CCNY: variants seen among roughly 807,000 people sequenced by gnomAD.
CCNY encodes the protein cyclin-Y.
Under a neutral mutation model 42.8 loss-of-function variants are expected in CCNY, and 19 were observed. The observed-to-expected ratio is 0.44, with a 90% confidence interval of 0.31 to 0.65. The LOEUF (loss-of-function observed/expected upper bound fraction) is 0.65, where lower values mean the gene tolerates loss of function less well. Among genes scored for constraint, CCNY ranks in the 30% least tolerant of loss-of-function variants. The pLI, the probability that CCNY is intolerant of heterozygous loss-of-function variation, is 0.07. For missense variants in CCNY, 370 were observed against 437.3 expected, an observed-to-expected ratio of 0.85 and a Z score of 1.37; for synonymous variants, 165 against 162.7, an observed-to-expected ratio of 1.01 and a Z score of -0.11.
rs530213503 is a variant in CCNY at position 35,430,759 on chromosome 10, G to A, written c.155-52645G>A. Among the ~76,000 whole-genome samples, 253 of 152,200 alleles carry A rather than the reference G, an allele frequency of 1.7e-3. 1 individual carries two copies. The highest frequency in any genetic ancestry group is 5.9e-3 in the African/African-American group (243 of 41,530). On this transcript the variant is annotated intron_variant, in intron 1 of 9. Transcript: ENST00000374704. Reference sequence around the variant, plus strand: ...ATCACTAGCATAACTATGTAGGTGGGCATAATTTTATGTGGTAGGGATATT... The same window carrying A: ...ATCACTAGCATAACTATGTAGGTGGACATAATTTTATGTGGTAGGGATATT...
At chr10:35,525,886 G>A (rs957531571) in intron 4 of CCNY, 78 bp from the exon 5 acceptor site, 8 of 1,238,330 alleles carry the variant, frequency 6.5e-6, no homozygotes, top group Middle Eastern at 3.8e-4. Context: ...AAATATTTAT[G>A]TTCAGACTGT....
chr10:35,344,399 G>A lies in CCNY; in HGVS notation c.154+7192G>A, dbSNP rs903270645. Among the ~76,000 whole-genome samples, 3 of 139,602 alleles carry A rather than the reference G, an allele frequency of 2.1e-5. No homozygotes were observed. In the Admixed American group the frequency reaches 2.2e-4, roughly 10 times the overall value. The allele number at this position is 139,602 out of a possible 152,430, so 91.6% of individuals were successfully genotyped here. A position where few individuals can be genotyped will look rare whatever the true frequency, so the allele number is the denominator to read the frequency against. ...CTTAAAAAAAGTGCTTAAAAATACT[G>A]CCTTGCCTTGGGCTGGGCGCCGTGG... On this transcript the variant is annotated intron_variant, in intron 1 of 9. Transcript: ENST00000374704.
chr10:35,291,594 C>T (rs572317523), intron 3 of CCNY, among the ~76,000 whole-genome samples: 4 of 146,440 alleles, frequency 2.7e-5, no homozygotes, highest in South Asian at 4.3e-4. Flanking sequence ...TGCAGTGGCA[C>T]GATCTCGCTC....
Position 35,325,460 on chromosome 10 carries a change from G to A in CCNY, c.-9+74834G>A, listed in dbSNP as rs550092866. Among the ~76,000 whole-genome samples the A allele has an allele frequency of 2.8e-5, 4 of 144,250 alleles. 1 individual carries two copies. In the Admixed American group the frequency reaches 2.8e-4, roughly 10 times the overall value. The allele number at this position is 144,250 out of a possible 152,430, so 94.6% of individuals were successfully genotyped here. A position where few individuals can be genotyped will look rare whatever the true frequency, so the allele number is the denominator to read the frequency against. ...CCCAAAGTGCTGGGATTGCAGGTGT[G>A]AGCCACCAAGCACAGACCCTTTTTT... is the stretch of plus-strand genomic sequence containing the variant. On this transcript the variant is annotated intron_variant, in intron 3 of 11. Transcript: ENST00000374706.
intron 7 of CCNY, among the ~76,000 whole-genome samples, chr10:35,539,017 A>G (rs190106029): frequency 5.3e-5 from 8 of 152,326 alleles, no homozygotes; most frequent in Admixed American, 2.6e-4. Flanking sequence ...CAGTGCCTTT[A>G]TCCTTTCCCC....
intron 4 of CCNY, among the ~76,000 whole-genome samples, chr10:35,520,117 A>G (rs1174581825): frequency 6.6e-6 from 1 of 152,148 alleles, no homozygotes; most frequent in East Asian, 1.9e-4. Context: ...GGTGGGACCA[A>G]CTGAAGTAGA....
At chr10:35,261,623 T>C (rs916067469) in intron 3 of CCNY, among the ~76,000 whole-genome samples, 3 of 152,198 alleles carry the variant, frequency 2.0e-5, no homozygotes, top group Non-Finnish European at 4.4e-5. Context: ...GAGGATTGCT[T>C]GATCCCAGGA....
intron 1 of CCNY, among the ~76,000 whole-genome samples, chr10:35,440,762 A>G (rs986476915): frequency 2.0e-5 from 3 of 152,214 alleles, no homozygotes; most frequent in African/African-American, 7.2e-5. Flanking sequence ...GTGTAATTGC[A>G]CACGTGGGAC....
chr10:35,535,838 G>C (rs1313021223), intron 7 of CCNY, among the ~76,000 whole-genome samples: 1 of 152,096 alleles, frequency 6.6e-6, no homozygotes, highest in African/African-American at 2.4e-5. Context: ...TTTTATATCA[G>C]GGACTTGAGC....
chr10:35,483,382 A>G, intron 1 of CCNY, 22 bp from the exon 2 acceptor site: 1 of 1,525,236 alleles, frequency 6.6e-7, no homozygotes, highest in Non-Finnish European at 9.1e-7. Flanking sequence ...TATTCATATA[A>G]TTTATTTTCC....
intron 3 of CCNY, among the ~76,000 whole-genome samples, chr10:35,325,213 C>CT (rs1835865288): frequency 6.6e-6 from 1 of 152,204 alleles, no homozygotes; most frequent in African/African-American, 2.4e-5. Context: ...GAGTCTCACT[C>CT]TGTCACCCAG....
intron 7 of CCNY, among the ~76,000 whole-genome samples, chr10:35,543,999 T>C (rs1841059136): frequency 6.6e-6 from 1 of 152,256 alleles, no homozygotes; most frequent in Non-Finnish European, 1.5e-5. Context: ...TTTGTACAGC[T>C]GTATGATGTA....
chr10:35,480,054 C>T (rs1461681182), intron 1 of CCNY, among the ~76,000 whole-genome samples: 1 of 151,932 alleles, frequency 6.6e-6, no homozygotes, highest in Non-Finnish European at 1.5e-5. Context: ...ATTGTAATTA[C>T]CATAGTTTTC....
chr10:35,257,985 T>C (rs2095716841), intron 3 of CCNY, among the ~76,000 whole-genome samples: 1 of 152,180 alleles, frequency 6.6e-6, no homozygotes, highest in African/African-American at 2.4e-5. Flanking sequence ...TCTTTAACTT[T>C]ACTGACTCCT....
intron 1 of CCNY, among the ~76,000 whole-genome samples, chr10:35,465,936 A>T (rs201406825): frequency 0.015 from 1,735 of 117,608 alleles, 38 homozygotes; most frequent in African/African-American, 0.044. Flanking sequence ...AGAGAGAGAG[A>T]GAGTGTGTGT....
chr10:35,248,069 C>T (rs1446387822), intron 1 of CCNY: 1 of 152,232 alleles, frequency 6.6e-6, no homozygotes, highest in Non-Finnish European at 1.5e-5. Context: ...ATGTGCAACA[C>T]TTGGGGTTCC....
chr10:35,377,743 CATT>C (rs572576601), intron 1 of CCNY, among the ~76,000 whole-genome samples: 140 of 152,168 alleles, frequency 9.2e-4, no homozygotes, highest in African/African-American at 2.0e-3. Flanking sequence ...TAAAAAATAA[CATT>C]ATAATGTAAC....
At position 35,530,330 on chromosome 10, in the gene CCNY, A is replaced by T. The variant is rs1840740201; in HGVS notation, c.579+87A>T. The T allele has an allele frequency of 1.3e-6, 2 of 1,545,458 alleles. No individual in the cohort carries two copies. Among genetic ancestry groups the T allele is most frequent in the Admixed American group, 1.7e-5 (1 of 57,392 alleles). On this transcript the variant is annotated intron_variant, in intron 7 of 9. Coordinates refer to ENST00000374704, the MANE Select transcript of CCNY (RefSeq NM_145012.6). This position sits in a 1 kb window ranked among gnomAD's most constrained non-coding sequence, Gnocchi z 4.3. ...TTACTCAGCGGAGTGAGGTTGGAGCAGGGAATCCTCACCAGGTTACCCTGT... is the reference window on the plus strand; with the variant it reads ...TTACTCAGCGGAGTGAGGTTGGAGCTGGGAATCCTCACCAGGTTACCCTGT...
intron 3 of CCNY, among the ~76,000 whole-genome samples, chr10:35,272,927 C>T (rs990440070): frequency 3.3e-5 from 5 of 151,138 alleles, no homozygotes; most frequent in African/African-American, 1.2e-4. Flanking sequence ...TTTGCTAGCA[C>T]CTTTTTTTTT....
Sources: gnomAD v4.1 joint callset for allele counts (sites outside exome capture counted in the v4.1 genomes callset) on GRCh38, gnomAD v4.1.1 for gene constraint, Gnocchi (gnomAD v3.1) non-coding constraint, MANE v1.5 for transcripts, NCBI Gene and HGNC (gene_info 2026-07-23, HGNC 2026-07-21) for gene names.